Variants in GSE1 observed in about 807,000 individuals in gnomAD.
GSE1 encodes the protein genetic suppressor element 1.
In GSE1, 32 loss-of-function variants were observed where a neutral mutation model predicts 112.6. The observed-to-expected ratio is 0.28, with a 90% CI of 0.21 to 0.38. The LOEUF (loss-of-function observed/expected upper bound fraction) is 0.38. Ranked by LOEUF, GSE1 falls within the 10% of genes least tolerant of loss-of-function variation. The pLI is 1.00. For synonymous variants in GSE1, 1,115 were observed against 735.6 expected (o/e 1.52, Z -8.35); for missense variants, 2,348 against 1,699.2 (o/e 1.38, Z -6.71).
intron 1 of GSE1, among the ~76,000 whole-genome samples, chr16:85,292,474 A>G (rs919826550): frequency 1.3e-5 from 2 of 151,972 alleles, no homozygotes; most frequent in African/African-American, 2.4e-5. Flanking sequence ...GATTACAAGC[A>G]CGTGCCACCA....
intron 1 of GSE1, among the ~76,000 whole-genome samples, chr16:85,588,355 C>T (rs561569536): frequency 1.9e-3 from 285 of 152,334 alleles, no homozygotes; most frequent in African/African-American, 5.7e-3. Context: ...CCCCCTTCCC[C>T]GCTGCGGGCC....
intron 2 of GSE1, among the ~76,000 whole-genome samples, chr16:85,532,019 G>A (rs1187540379): frequency 6.6e-6 from 1 of 152,188 alleles, no homozygotes; most frequent in African/African-American, 2.4e-5. Context: ...GACAGTAACA[G>A]TGACAAGTCT....
chr16:85,439,901 C>G (rs973290708), intron 2 of GSE1, among the ~76,000 whole-genome samples: 1 of 152,176 alleles, frequency 6.6e-6, no homozygotes, highest in South Asian at 2.1e-4. Context: ...GGCATGCACA[C>G]CCACAGATAC....
chr16:85,566,333 A>G lies in GSE1; in HGVS notation c.37+9970A>G, dbSNP rs907595096. ...CAGACTCCTGAAATGGCTGTCCGCC[A>G]GCCCAGGCCACGCACAGCGCCGTGG... is the stretch of plus-strand genomic sequence containing the variant. On this transcript the variant is annotated intron_variant, in intron 1 of 2. Coordinates refer to the GSE1 transcript ENST00000635906. Among the ~76,000 whole-genome samples the G allele has an allele frequency of 3.5e-4, 54 of 152,338 alleles. 1 individual carries two copies. In the East Asian group the frequency reaches 9.9e-3, roughly 28 times the overall value.
chr16:85,657,282 C>G lies in GSE1; in HGVS notation c.1318C>G (p.Leu440Val), dbSNP rs566162439. The G allele has an allele frequency of 6.5e-7, 1 of 1,550,000 alleles. No individual in the cohort carries two copies. The highest frequency in any genetic ancestry group is 8.7e-7 in the Non-Finnish European group (1 of 1,148,102). ...EQLTPTRAEK[L>V]KDAGLQAPKP... The stretch of plus-strand genomic sequence containing the variant: ...GACCGTGTTTCCCCCCACAGAGAAG[C>G]TGAAGGATGCCGGCCTGCAGGCGCC... Residue 440 changes from leucine (L) to valine (V), a missense_variant, in exon 8 of 16, where the codon CTG (leucine) becomes GTG (valine). Leu to Val is a conservative substitution (Grantham distance 32, BLOSUM62 1). Transcript: ENST00000253458.
chr16:85,174,292 TG>T (rs2074416665), intron 1 of GSE1, among the ~76,000 whole-genome samples: 1 of 152,130 alleles, frequency 6.6e-6, no homozygotes, highest in Admixed American at 6.5e-5. Context: ...AACAATTTCT[TG>T]AAAGAAAGTG....
intron 1 of GSE1, among the ~76,000 whole-genome samples, chr16:85,597,524 C>T (rs192136988): frequency 1.3e-5 from 2 of 152,076 alleles, no homozygotes; most frequent in African/African-American, 2.4e-5. Flanking sequence ...GGCTGGAGTG[C>T]AGTAGTGAGA....
chr16:85,556,901 G>T (rs1186240622), intron 1 of GSE1, among the ~76,000 whole-genome samples: 1 of 152,188 alleles, frequency 6.6e-6, no homozygotes, highest in Non-Finnish European at 1.5e-5. Flanking sequence ...GAGGTCGGAG[G>T]AGGGGGCCGG....
intron 1 of GSE1, among the ~76,000 whole-genome samples, chr16:85,218,881 G>C (rs1304613920): frequency 6.6e-6 from 1 of 152,122 alleles, no homozygotes; most frequent in Non-Finnish European, 1.5e-5. Flanking sequence ...AGTCCATGCG[G>C]ATTTTTCTTT....
chr16:85,585,526 C>T (rs1194222726), intron 1 of GSE1, among the ~76,000 whole-genome samples: 1 of 152,208 alleles, frequency 6.6e-6, no homozygotes, highest in Admixed American at 6.5e-5. Flanking sequence ...ACGTGGTTGC[C>T]TTTGGGGTGT....
intron 2 of GSE1, among the ~76,000 whole-genome samples, chr16:85,456,603 T>TGTGTGTGA (rs1307925519): frequency 1.3e-5 from 2 of 148,702 alleles, no homozygotes; most frequent in African/African-American, 5.0e-5. Context: ...TGTGTGTGTG[T>TGTGTGTGA]GTGTGTGTGT....
chr16:85,615,945 C>T (rs907509692), intron 1 of GSE1, among the ~76,000 whole-genome samples: 6 of 152,250 alleles, frequency 3.9e-5, no homozygotes, highest in Admixed American at 6.5e-5. Flanking sequence ...ACACCGCGCT[C>T]ACAGCAGGAA....
At position 85,335,026 on chromosome 16, in the gene GSE1, C is replaced by T. The variant is rs146123576; in HGVS notation, c.2284-22437C>T. 3.0e-3 allele frequency among the ~76,000 whole-genome samples: 451 copies of T among 152,338 alleles called. 3 individuals are homozygous for T. Among genetic ancestry groups the T allele is most frequent in the African/African-American group, 1.0e-2 (415 of 41,584 alleles). On this transcript the variant is annotated intron_variant, in intron 1 of 2. Coordinates refer to the GSE1 transcript ENST00000637419. ...CAGACCCCTGCTCCTTCCTTCAGCT[C>T]GGATGCTATCTGTACAAGCGACAGT...
At chr16:85,397,871 G>T (rs1353947878) in intron 2 of GSE1, among the ~76,000 whole-genome samples, 2 of 152,084 alleles carry the variant, frequency 1.3e-5, no homozygotes, top group Admixed American at 6.5e-5. Flanking sequence ...AGAAGGAGGT[G>T]TGAGGCTTCT....
intron 1 of GSE1, among the ~76,000 whole-genome samples, chr16:85,568,538 T>C (rs1374954025): frequency 6.6e-6 from 1 of 152,136 alleles, no homozygotes; most frequent in African/African-American, 2.4e-5. Context: ...GGGCCAGAAA[T>C]GAAAGTGTGG....
intron 1 of GSE1, among the ~76,000 whole-genome samples, chr16:85,180,572 C>T (rs535373584): frequency 5.3e-5 from 8 of 152,256 alleles, no homozygotes; most frequent in South Asian, 2.1e-4. Context: ...CATTGCCCCA[C>T]GTGACTGTCT....
At chr16:85,505,977 A>AG (rs200675489) in intron 2 of GSE1, among the ~76,000 whole-genome samples, 9 of 151,932 alleles carry the variant, frequency 5.9e-5, no homozygotes, top group African/African-American at 1.4e-4. Context: ...AAAAAAAAAA[A>AG]AAGACCTGGT....
chr16:85,257,267 G>T (rs376536406), intron 1 of GSE1, among the ~76,000 whole-genome samples: 1 of 152,072 alleles, frequency 6.6e-6, no homozygotes, highest in African/African-American at 2.4e-5. Flanking sequence ...CTGCCACCAC[G>T]CCTGGCTAAT....
intron 2 of GSE1, among the ~76,000 whole-genome samples, chr16:85,382,777 G>A (rs2047577679): frequency 6.7e-6 from 1 of 150,206 alleles, no homozygotes; most frequent in African/African-American, 2.5e-5. Flanking sequence ...GCACACCCAT[G>A]CATGCACACA....
Sources: gnomAD v4.1 joint callset for allele counts (sites outside exome capture counted in the v4.1 genomes callset) on GRCh38, gnomAD v4.1.1 for gene constraint, MANE v1.5 for transcripts, NCBI Gene and HGNC (gene_info 2026-07-23, HGNC 2026-07-21) for gene names.